Variants in AUTS2 observed in about 807,000 individuals in gnomAD.
The protein encoded by AUTS2 is activator of transcription and developmental regulator AUTS2.
A neutral mutation model predicts 112.4 loss-of-function variants in AUTS2; 17 were observed. The observed-to-expected ratio is 0.15, with a 90% confidence interval of 0.10 to 0.23. The LOEUF (loss-of-function observed/expected upper bound fraction) is 0.23, where lower values mean the gene tolerates loss of function less well. AUTS2 is among the 10% of genes least tolerant of loss of function. AUTS2 has a pLI of 1.00. For synonymous variants in AUTS2, 751 were observed against 702.7 expected (o/e 1.07, Z -1.09); for missense variants, 1,510 against 1,701.6 (o/e 0.89, Z 1.98).
chr7:70,196,107 A>G (rs554821176), intron 4 of AUTS2, among the ~76,000 whole-genome samples: 95 of 152,154 alleles, frequency 6.2e-4, no homozygotes, highest in African/African-American at 2.2e-3. Context: ...ATCCTGTAGG[A>G]GGAAATTGTG....
chr7:70,414,974 CT>C (rs1325664912), intron 4 of AUTS2, among the ~76,000 whole-genome samples: 1 of 152,178 alleles, frequency 6.6e-6, no homozygotes, highest in Non-Finnish European at 1.5e-5. Context: ...AAAGAGCTCA[CT>C]GTTTGGGACT....
chr7:70,241,386 A>G (rs1812605040), intron 4 of AUTS2, among the ~76,000 whole-genome samples: 1 of 152,232 alleles, frequency 6.6e-6, no homozygotes, highest in African/African-American at 2.4e-5. Context: ...AGAGGAGTCA[A>G]TATAAAAGAT....
chr7:69,824,109 A>G (rs1261196344), intron 1 of AUTS2, among the ~76,000 whole-genome samples: 3 of 151,980 alleles, frequency 2.0e-5, no homozygotes, highest in Non-Finnish European at 2.9e-5. Context: ...TACTCAAATT[A>G]TAGCTATTAA....
chr7:70,567,663 C>T (rs191430689), intron 5 of AUTS2, among the ~76,000 whole-genome samples: 2 of 152,266 alleles, frequency 1.3e-5, no homozygotes, highest in East Asian at 1.9e-4. Context: ...TACACAGTGC[C>T]GGCAGAAGCC....
intron 4 of AUTS2, among the ~76,000 whole-genome samples, chr7:70,189,953 C>G (rs537073751): frequency 2.4e-4 from 37 of 152,198 alleles, no homozygotes; most frequent in African/African-American, 8.9e-4. Context: ...TGATCCGGTA[C>G]TGATTGTGGT....
At chr7:70,169,457 G>A (rs183323700) in intron 4 of AUTS2, among the ~76,000 whole-genome samples, 73 of 152,162 alleles carry the variant, frequency 4.8e-4, no homozygotes, top group African/African-American at 1.5e-3. Context: ...TAGCCAGGAC[G>A]CTTTTGATCT....
At chr7:70,361,314 CAG>C (rs1271549013) in intron 4 of AUTS2, among the ~76,000 whole-genome samples, 1 of 151,496 alleles carries the variant, frequency 6.6e-6, no homozygotes, top group Non-Finnish European at 1.5e-5. Flanking sequence ...GCCTGGGTAA[CAG>C]AGCGAGACTC....
chr7:70,344,421 T>C (rs1050329017), intron 4 of AUTS2, among the ~76,000 whole-genome samples: 1 of 152,186 alleles, frequency 6.6e-6, no homozygotes, highest in African/African-American at 2.4e-5. Context: ...TGCCCTGTCC[T>C]GAAGGTCATG....
chr7:69,849,054 C>T (rs530495504), intron 1 of AUTS2, among the ~76,000 whole-genome samples: 62 of 152,080 alleles, frequency 4.1e-4, no homozygotes, highest in Admixed American at 1.2e-3. Flanking sequence ...TGGTGGCGTG[C>T]GCCTGTAGTC....
chr7:70,110,859 CTTTTTTTTTTT>C (rs71077618), intron 2 of AUTS2, among the ~76,000 whole-genome samples: 10 of 82,782 alleles, frequency 1.2e-4, no homozygotes, highest in East Asian at 4.2e-4. Context: ...TTCTTTCTTT[CTTTTTTTTTTT>C]TTTTTTTTTT....
intron 6 of AUTS2, among the ~76,000 whole-genome samples, chr7:70,734,599 A>G (rs1042871820): frequency 6.6e-6 from 1 of 151,990 alleles, no homozygotes; most frequent in African/African-American, 2.4e-5. Context: ...TGAGGTATGT[A>G]TGGTAGTGTA....
At chr7:70,767,223 C>T (rs867685251) in intron 9 of AUTS2, among the ~76,000 whole-genome samples, 1 of 152,156 alleles carries the variant, frequency 6.6e-6, no homozygotes. Context: ...CTTCACCCAA[C>T]TTTGCTTCCT....
intron 5 of AUTS2, among the ~76,000 whole-genome samples, chr7:70,468,559 G>A (rs1797255619): frequency 6.6e-6 from 1 of 152,180 alleles, no homozygotes; most frequent in African/African-American, 2.4e-5. Context: ...CCCTGCCAGA[G>A]ATGTTGGAGA....
intron 5 of AUTS2, among the ~76,000 whole-genome samples, chr7:70,480,190 C>T (rs568890151): frequency 2.6e-5 from 4 of 152,310 alleles, no homozygotes; most frequent in South Asian, 2.1e-4. Context: ...AAAAACTAGA[C>T]GGATATGTCC....
At chr7:70,168,378 G>A (rs1336519490) in intron 4 of AUTS2, among the ~76,000 whole-genome samples, 1 of 152,160 alleles carries the variant, frequency 6.6e-6, no homozygotes, top group East Asian at 1.9e-4. Context: ...ATGCAGTGGC[G>A]TGATCTTGGC....
chr7:70,395,464 G>C lies in AUTS2; in HGVS notation c.661-40288G>C, dbSNP rs574581086. Among the ~76,000 whole-genome samples the C allele has an allele frequency of 6.6e-5, 10 of 152,304 alleles. No individual in the cohort carries two copies. In the South Asian group the frequency reaches 2.1e-3, roughly 32 times the overall value. ...AATTATCAGCGTCTTTTTGCCCATT[G>C]TGATATTTAATCAGAATCATTATCA... On this transcript the variant is annotated intron_variant, in intron 4 of 18. Coordinates refer to ENST00000342771, the MANE Select transcript of AUTS2 (RefSeq NM_015570.4).
In AUTS2 at chr7:70,791,331, C is replaced by G. The variant is rs914639585; in HGVS notation, c.*335C>G. ...GGGGGCGGTGGGGGGGAGAAGTCCA[C>G]GCCATCCATCATGCAAAATTCTTTC... On this transcript the variant is annotated 3_prime_UTR_variant, in exon 19 of 19. Transcript: ENST00000342771. 3 of 204,352 alleles carry G rather than the reference C, an allele frequency of 1.5e-5. No homozygotes were observed. The highest frequency in any genetic ancestry group is 6.9e-5 in the African/African-American group (3 of 43,466). 12.7% of individuals were successfully genotyped at this position (204,352 alleles called of 1,614,324 possible). A position where few individuals can be genotyped will look rare whatever the true frequency, so the allele number is the denominator to read the frequency against.
intron 5 of AUTS2, among the ~76,000 whole-genome samples, chr7:70,530,150 G>T (rs551555386): frequency 6.6e-6 from 1 of 152,294 alleles, no homozygotes; most frequent in South Asian, 2.1e-4. Context: ...GATTGGGAAG[G>T]GGGTGTTGCT....
At chr7:70,403,811 G>A (rs1422595312) in intron 4 of AUTS2, among the ~76,000 whole-genome samples, 2 of 152,130 alleles carry the variant, frequency 1.3e-5, no homozygotes, top group Non-Finnish European at 2.9e-5. Context: ...CCTCTTACAC[G>A]TGTGTAGACA....
Sources: allele counts gnomAD v4.1 joint callset (sites outside exome capture counted in the v4.1 genomes callset), GRCh38; gene constraint gnomAD v4.1.1; transcripts MANE v1.5; gene names NCBI Gene and HGNC (gene_info 2026-07-23, HGNC 2026-07-21).